NALCN: variants seen among roughly 807,000 people sequenced by gnomAD.
The protein encoded by NALCN is sodium leak channel NALCN.
In NALCN, 111 loss-of-function variants were observed where a neutral mutation model predicts 225.3. The observed-to-expected ratio is 0.49, with a 90% confidence interval of 0.42 to 0.58. NALCN has a LOEUF of 0.58. NALCN is among the 20% of genes least tolerant of loss of function. The probability of loss-of-function intolerance (pLI) is 0.00; values close to 1 mark genes in which losing one functional copy is unlikely to be tolerated. For missense variants in NALCN, 1,378 were observed against 2,202.4 expected (o/e 0.63, Z 7.49); for synonymous variants, 764 against 769.0 (o/e 0.99, Z 0.11).
rs563983155 is a variant in NALCN, at chr13:101,221,692, T to C, written c.1626+7701A>G. Among the ~76,000 whole-genome samples the C allele has an allele frequency of 2.8e-3, 432 of 152,184 alleles. 2 individuals are homozygous for C. The highest frequency in any genetic ancestry group is 5.4e-3 in the Non-Finnish European group (366 of 68,036). ...CACACCACCAAGATTTTAAATGTTT[T>C]GGCTGAATGTGGGTACCTGGTGTCC... On this transcript the variant is annotated intron_variant, in intron 13 of 43. Transcript: ENST00000251127.
At chr13:101,088,427 C>T (rs983663923) in intron 30 of NALCN, among the ~76,000 whole-genome samples, 2 of 152,148 alleles carry the variant, frequency 1.3e-5, no homozygotes, top group Non-Finnish European at 2.9e-5. Flanking sequence ...CTAGCTTCAA[C>T]TTAATGCAGA....
chr13:101,239,099 G>A (rs1327130136), intron 11 of NALCN, among the ~76,000 whole-genome samples: 1 of 151,780 alleles, frequency 6.6e-6, no homozygotes, highest in Admixed American at 6.6e-5. Flanking sequence ...CTTTGCCCAC[G>A]TTTCTCAGGT....
At chr13:101,416,019 C>A (rs1362142555) in intron 1 of NALCN, among the ~76,000 whole-genome samples, 1 of 152,218 alleles carries the variant, frequency 6.6e-6, no homozygotes, top group South Asian at 2.1e-4. Context: ...GCGGCAGGCG[C>A]CCCCGACACC....
intron 7 of NALCN, among the ~76,000 whole-genome samples, chr13:101,306,492 C>T (rs2139122609): frequency 6.6e-6 from 1 of 152,316 alleles, no homozygotes; most frequent in African/African-American, 2.4e-5. Flanking sequence ...TTTGGCCTCC[C>T]CTCTGCCCTG....
intron 7 of NALCN, among the ~76,000 whole-genome samples, chr13:101,302,613 T>G (rs949283778): frequency 2.0e-5 from 3 of 152,154 alleles, no homozygotes; most frequent in African/African-American, 7.2e-5. Flanking sequence ...TGTCATTAAT[T>G]TAAATATTTA....
At chr13:101,387,247 A>C (rs906069867) in intron 3 of NALCN, among the ~76,000 whole-genome samples, 2 of 150,592 alleles carry the variant, frequency 1.3e-5, no homozygotes, top group Non-Finnish European at 3.0e-5. Context: ...AAAAAAAAAA[A>C]AAAAAAACAG....
At chr13:101,177,585 T>C (rs1459943744) in intron 14 of NALCN, among the ~76,000 whole-genome samples, 1 of 151,930 alleles carries the variant, frequency 6.6e-6, no homozygotes, top group African/African-American at 2.4e-5. Flanking sequence ...TTTTAAAAAA[T>C]GTATGCTTCT....
intron 19 of NALCN, 127 bp from the exon 20 acceptor site, chr13:101,110,815 T>A: frequency 2.1e-6 from 2 of 950,292 alleles, no homozygotes; most frequent in Non-Finnish European, 3.3e-6. Flanking sequence ...TGATTTCTTT[T>A]CATAGCAGAA....
Position 101,347,443 on chromosome 13 carries a change from T to C in NALCN, c.645-2023A>G, listed in dbSNP as rs147690633. Among the ~76,000 whole-genome samples, 272 of 152,278 alleles carry C rather than the reference T, an allele frequency of 1.8e-3. 1 individual carries two copies. Among genetic ancestry groups the C allele is most frequent in the South Asian group, 9.5e-3 (46 of 4,828 alleles). ...ATTGGGTGGGTCAGAAAGATATTAT[T>C]TTAGACAGACACATCGTGTATATCT... is the stretch of plus-strand genomic sequence containing the variant. On this transcript the variant is annotated intron_variant, in intron 6 of 43. Transcript: ENST00000251127.
At chr13:101,056,850 C>T (rs539864173) in intron 43 of NALCN, 2 of 152,300 alleles carry the variant, frequency 1.3e-5, no homozygotes, top group South Asian at 4.1e-4. Flanking sequence ...CTCCTAATTG[C>T]CTACAGGATA....
intron 6 of NALCN, among the ~76,000 whole-genome samples, chr13:101,353,820 G>A (rs2045973223): frequency 6.6e-6 from 1 of 152,080 alleles, no homozygotes; most frequent in African/African-American, 2.4e-5. Flanking sequence ...CAAATATTGT[G>A]ACTATGAAAT....
chr13:101,414,226 T>G (rs1018997182), intron 1 of NALCN, among the ~76,000 whole-genome samples: 3 of 152,126 alleles, frequency 2.0e-5, no homozygotes, highest in Non-Finnish European at 2.9e-5. Flanking sequence ...CTATCATAGT[T>G]TCCACAGCAA....
chr13:101,313,793 C>T (rs2044447153), intron 7 of NALCN, among the ~76,000 whole-genome samples: 1 of 152,112 alleles, frequency 6.6e-6, no homozygotes, highest in African/African-American at 2.4e-5. Context: ...CCATTTGACC[C>T]AGCCATCCCA....
intron 11 of NALCN, among the ~76,000 whole-genome samples, chr13:101,248,577 C>G (rs1377390579): frequency 6.6e-6 from 1 of 152,118 alleles, no homozygotes; most frequent in Non-Finnish European, 1.5e-5. Flanking sequence ...ATCATGCCTA[C>G]CTAAGGAAAT....
In NALCN at chr13:101,059,964, G is replaced by C; in HGVS notation, c.4759C>G (p.Gln1587Glu). Reference protein sequence around the residue: ...KKCLKRIRAKQQQSCSIIHSL... With the variant: ...KKCLKRIRAKEQQSCSIIHSL... ...TGGATGATACTGCACGACTGCTGCTGTTTCTATGGAAATGCGATTGTTTGT... is the reference window on the plus strand; with the variant it reads ...TGGATGATACTGCACGACTGCTGCTCTTTCTATGGAAATGCGATTGTTTGT... The change falls in exon 42 of 44, where the codon CAG becomes GAG. Residue 1587 changes from glutamine (Q) to glutamate (E), a missense_variant. By Grantham distance (29) the Gln-to-Glu change is conservative. This residue lies in a region of NALCN where 94 missense variants were observed against 170.3 expected (regional missense o/e 0.55). Coordinates refer to ENST00000251127, the MANE Select transcript of NALCN (RefSeq NM_052867.4). The C allele has an allele frequency of 1.2e-6, 2 of 1,613,854 alleles. No individual in the cohort carries two copies.
chr13:101,077,637 A>G (rs1185613699), intron 34 of NALCN, among the ~76,000 whole-genome samples: 3 of 152,242 alleles, frequency 2.0e-5, no homozygotes, highest in Non-Finnish European at 2.9e-5. Context: ...ATAAATTTCT[A>G]AGTGACACAG....
intron 14 of NALCN, 22 bp downstream of exon 14, chr13:101,191,895 G>T: frequency 1.9e-6 from 3 of 1,568,382 alleles, no homozygotes; most frequent in Non-Finnish European, 2.6e-6. Context: ...AGATATAATT[G>T]AAAAAAAAAT....
chr13:101,338,651 G>A (rs7324164), intron 7 of NALCN, among the ~76,000 whole-genome samples: 3,096 of 152,184 alleles, frequency 0.02, 111 homozygotes, highest in African/African-American at 0.071. Flanking sequence ...CGCATATATG[G>A]TATATTTTGT....
chr13:101,377,249 A>G (rs1324862667), intron 4 of NALCN, among the ~76,000 whole-genome samples, 193 bp from the exon 5 acceptor site: 2 of 152,236 alleles, frequency 1.3e-5, no homozygotes, highest in Admixed American at 6.5e-5. Context: ...AAACAAATAC[A>G]TAAACTAATA....
Sources: allele counts gnomAD v4.1 joint callset (sites outside exome capture counted in the v4.1 genomes callset), GRCh38; gene constraint gnomAD v4.1.1; regional missense constraint gnomAD v4.1.1; transcripts MANE v1.5; gene names NCBI Gene and HGNC (gene_info 2026-07-23, HGNC 2026-07-21).